Variants in DNAH3 observed in about 807,000 individuals in gnomAD.
DNAH3 encodes axonemal beta dynein heavy chain 3.
Under a neutral mutation model 432.5 loss-of-function variants are expected in DNAH3, and 332 were observed. The ratio of observed to expected loss-of-function variants is 0.77; its 90% CI spans 0.70 to 0.84. The LOEUF (loss-of-function observed/expected upper bound fraction) is 0.84, where lower values mean the gene tolerates loss of function less well. Ranked by LOEUF, DNAH3 falls within the 40% of genes least tolerant of loss-of-function variation. The pLI, the probability that DNAH3 is intolerant of heterozygous loss-of-function variation, is 0.00. For missense variants in DNAH3, 4,861 were observed against 5,114.0 expected, an observed-to-expected ratio of 0.95 and a Z score of 1.51; for synonymous variants, 1,956 against 1,900.2, an observed-to-expected ratio of 1.03 and a Z score of -0.76.
chr16:21,021,822 G>T, intron 40 of DNAH3, 149 bp downstream of exon 40: 1 of 840,986 alleles, frequency 1.2e-6, no homozygotes, highest in Non-Finnish European at 1.8e-6. Flanking sequence ...AGAATCACTT[G>T]AACCTGGGAG....
At chr16:21,069,710 G>GT (rs2090712640) in intron 22 of DNAH3, 116 bp from the exon 23 acceptor site, 1 of 921,790 alleles carries the variant, frequency 1.1e-6, no homozygotes, top group Admixed American at 2.8e-5. Flanking sequence ...TCTGTCACTT[G>GT]TTTAACAAAT....
chr16:20,994,858 ATCC>A (rs766507346), intron 44 of DNAH3, among the ~76,000 whole-genome samples: 8 of 151,908 alleles, frequency 5.3e-5, no homozygotes, highest in South Asian at 2.1e-4. Flanking sequence ...TTTTAAAAAA[ATCC>A]TCCTTTTATT....
In DNAH3 at chr16:21,001,141, G is replaced by A. The variant is rs80048006; in HGVS notation, c.6127-623C>T. ...TAAGACCCACCCTTACTAATCCCAT[G>A]CCTTTTCCAATATGGGGATTGTATT... On this transcript the variant is annotated intron_variant, in intron 42 of 61. Coordinates refer to ENST00000261383, the Ensembl canonical transcript of DNAH3. Among the ~76,000 whole-genome samples the A allele has an allele frequency of 3.9e-5, 6 of 152,280 alleles. No homozygotes were observed. The East Asian group carries it at 1.2e-3, about 29-fold the overall frequency.
intron 18 of DNAH3, among the ~76,000 whole-genome samples, chr16:21,092,373 T>TA (rs1004524719): frequency 6.6e-6 from 1 of 152,008 alleles, no homozygotes; most frequent in African/African-American, 2.4e-5. Flanking sequence ...AGAGAAAAGA[T>TA]AGCCTTTTCA....
At chr16:20,973,335 C>G (rs917604737) in intron 51 of DNAH3, among the ~76,000 whole-genome samples, 1 of 152,082 alleles carries the variant, frequency 6.6e-6, no homozygotes, top group African/African-American at 2.4e-5. Context: ...GCACTGTAAC[C>G]TCTACCTCTC....
At chr16:21,067,418 A>C in exon 24 of DNAH3, 1 of 1,613,526 alleles carries the variant, frequency 6.2e-7, no homozygotes, top group Non-Finnish European at 8.5e-7. Context: ...GTTATCTTTC[A>C]CCTGGGTTCC....
At chr16:21,088,596 A>C (rs1366052295) in intron 18 of DNAH3, among the ~76,000 whole-genome samples, 2 of 152,210 alleles carry the variant, frequency 1.3e-5, no homozygotes, top group African/African-American at 4.8e-5. Flanking sequence ...AAGAGCAGTT[A>C]TGGATCCCTT....
At chr16:20,983,897 T>C (rs1233256931) in intron 48 of DNAH3, among the ~76,000 whole-genome samples, 1 of 151,836 alleles carries the variant, frequency 6.6e-6, no homozygotes, top group African/African-American at 2.4e-5. Context: ...CATCGTGGTG[T>C]GTGCCTGTAG....
chr16:21,022,600 C>T (rs1027979366), intron 39 of DNAH3, among the ~76,000 whole-genome samples: 6 of 152,024 alleles, frequency 3.9e-5, no homozygotes, highest in Admixed American at 2.6e-4. Flanking sequence ...ATATGTTCTT[C>T]TTTGGGGTTA....
At chr16:20,979,535 A>G (rs1298263797) in exon 50 of DNAH3, 4 of 1,613,946 alleles carry the variant, frequency 2.5e-6, no homozygotes, top group Admixed American at 3.3e-5. Context: ...ATATTTGCAC[A>G]TGGACACGAC....
At chr16:21,120,996 A>ACT in intron 10 of DNAH3, 1 of 723,398 alleles carries the variant, frequency 1.4e-6, no homozygotes, top group Non-Finnish European at 2.5e-6. Flanking sequence ...CCCTGTAAGT[A>ACT]CCAGATTGCA....
chr16:20,946,596 G>A (rs1567506284), intron 57 of DNAH3, among the ~76,000 whole-genome samples: 1 of 152,130 alleles, frequency 6.6e-6, no homozygotes, highest in Non-Finnish European at 1.5e-5. Context: ...CTTGGCATGT[G>A]ACAGGTTGTG....
chr16:21,030,955 ATG>A (rs1177513838), intron 37 of DNAH3, 88 bp downstream of exon 37: 1 of 1,300,968 alleles, frequency 7.7e-7, no homozygotes, highest in African/African-American at 1.5e-5. Context: ...TAATAAATGT[ATG>A]TCTCTATATA....
intron 3 of DNAH3, among the ~76,000 whole-genome samples, chr16:21,142,244 G>A (rs1192831045): frequency 1.3e-5 from 2 of 151,972 alleles, no homozygotes; most frequent in Non-Finnish European, 2.9e-5. Flanking sequence ...GCACACGCCT[G>A]TAATCCCAGC....
In DNAH3 at chr16:21,142,963, G is replaced by T. The variant is rs537991241; in HGVS notation, c.449-1591C>A. On this transcript the variant is annotated intron_variant, in intron 3 of 61. Coordinates refer to ENST00000261383, the Ensembl canonical transcript of DNAH3. Reference sequence around the variant, plus strand: ...GAAATAATACAGCAATAACAATATTGCTCCAAAATAAATTTTTAAGATCCT... The same window carrying T: ...GAAATAATACAGCAATAACAATATTTCTCCAAAATAAATTTTTAAGATCCT... Among the ~76,000 whole-genome samples, 61 of 152,178 alleles carry T rather than the reference G, an allele frequency of 4.0e-4. 1 individual carries two copies. The East Asian group carries it at 5.4e-3, about 13-fold the overall frequency.
At chr16:21,156,996 A>C (rs1319746088) in intron 1 of DNAH3, among the ~76,000 whole-genome samples, 1 of 147,434 alleles carries the variant, frequency 6.8e-6, no homozygotes, top group Admixed American at 6.8e-5. Flanking sequence ...AATCTAAGGA[A>C]ACACACACAC....
chr16:20,938,377 T>C (rs2083673466), intron 59 of DNAH3, among the ~76,000 whole-genome samples: 1 of 145,920 alleles, frequency 6.9e-6, no homozygotes, highest in Non-Finnish European at 1.5e-5. Context: ...GCGACAAGAG[T>C]GAAACTCTGT....
chr16:20,995,454 G>T (rs1175845525), intron 44 of DNAH3, among the ~76,000 whole-genome samples: 1 of 149,518 alleles, frequency 6.7e-6, no homozygotes, highest in Non-Finnish European at 1.5e-5. Context: ...GTAGAGATGG[G>T]GTTTCGCCAT....
intron 16 of DNAH3, among the ~76,000 whole-genome samples, chr16:21,103,069 A>G (rs2091872468): frequency 6.6e-6 from 1 of 152,064 alleles, no homozygotes. Flanking sequence ...TCAGGAATGG[A>G]AAACCAAACA....
Sources: gnomAD v4.1 joint callset for allele counts (sites outside exome capture counted in the v4.1 genomes callset) on GRCh38, gnomAD v4.1.1 for gene constraint, MANE v1.5 for transcripts, NCBI Gene and HGNC (gene_info 2026-07-23, HGNC 2026-07-21) for gene names.